The following NIPAL3 variants were observed in gnomAD, a reference collection of about 807,000 sequenced individuals.
NIPAL3 encodes NIPA like domain containing 3.
Under a neutral mutation model 47.2 loss-of-function variants are expected in NIPAL3, and 41 were observed. The observed-to-expected ratio is 0.87, with a 90% CI of 0.68 to 1.13. The LOEUF is 1.13. NIPAL3 is among the 50% of genes most tolerant of loss of function. NIPAL3 has a pLI of 0.00. For synonymous variants in NIPAL3, 194 were observed against 209.6 expected (o/e 0.93, Z 0.64); for missense variants, 449 against 530.1 (o/e 0.85, Z 1.50).
chr1:24,436,718 C>T (rs1028833737), intron 2 of NIPAL3, among the ~76,000 whole-genome samples: 10 of 151,936 alleles, frequency 6.6e-5, no homozygotes, highest in African/African-American at 1.7e-4. Flanking sequence ...AGACTGGTCT[C>T]GAACTCCTGA....
At chr1:24,467,788 G>A (rs1484559056) in intron 11 of NIPAL3, among the ~76,000 whole-genome samples, 1 of 152,138 alleles carries the variant, frequency 6.6e-6, no homozygotes, top group Non-Finnish European at 1.5e-5. Flanking sequence ...CAGCTACTTG[G>A]GTGACTGAGG....
intron 2 of NIPAL3, chr1:24,433,301 T>C (rs370225148): frequency 2.0e-5 from 3 of 152,226 alleles, no homozygotes; most frequent in Non-Finnish European, 4.4e-5. Flanking sequence ...AGGATTACGA[T>C]GTCCTCTTAG....
intron 8 of NIPAL3, among the ~76,000 whole-genome samples, chr1:24,457,349 AG>A (rs1217512923): frequency 6.6e-6 from 1 of 152,194 alleles, no homozygotes; most frequent in Non-Finnish European, 1.5e-5. Flanking sequence ...AGCCCAACAG[AG>A]GGCCTGGGAG....
intron 2 of NIPAL3, among the ~76,000 whole-genome samples, chr1:24,424,637 G>T (rs1644489458): frequency 6.6e-6 from 1 of 152,162 alleles, no homozygotes; most frequent in Admixed American, 6.5e-5. Context: ...AGGCTACAGG[G>T]TAGCTCATGA....
intron 2 of NIPAL3, among the ~76,000 whole-genome samples, chr1:24,434,430 A>G (rs960361561): frequency 5.3e-5 from 8 of 152,168 alleles, no homozygotes; most frequent in Admixed American, 4.6e-4. Flanking sequence ...ACACAGCCCC[A>G]AAATACAGGA....
intron 2 of NIPAL3, among the ~76,000 whole-genome samples, chr1:24,426,155 T>C (rs965460662): frequency 1.3e-5 from 2 of 152,014 alleles, no homozygotes; most frequent in Admixed American, 6.6e-5. Context: ...TTGGGGTGAG[T>C]AGCTTTGCCT....
intron 4 of NIPAL3, among the ~76,000 whole-genome samples, chr1:24,442,908 T>C (rs1645463912): frequency 6.6e-6 from 1 of 152,246 alleles, no homozygotes; most frequent in Non-Finnish European, 1.5e-5. Context: ...GTTTGAGTGC[T>C]GCAGTGAGCT....
intron 2 of NIPAL3, among the ~76,000 whole-genome samples, chr1:24,421,027 G>C (rs1468456393): frequency 6.6e-6 from 1 of 152,070 alleles, no homozygotes; most frequent in Non-Finnish European, 1.5e-5. Context: ...TTTTTTTAAA[G>C]ATCAGAGAGG....
chr1:24,442,916 G>C (rs774436402), intron 4 of NIPAL3, among the ~76,000 whole-genome samples: 5 of 152,228 alleles, frequency 3.3e-5, no homozygotes, highest in African/African-American at 4.8e-5. Context: ...GCTGCAGTGA[G>C]CTTTGATTAC....
At position 24,472,546 on chromosome 1, in the gene NIPAL3, G is replaced by C. The variant is rs994141559; in HGVS notation, c.*3361G>C. ...TGAGCAGCCCAGGTACCTAAAGCAA[G>C]GTCACCAAACTTGGGTTTAAACTTC... On this transcript the variant is annotated 3_prime_UTR_variant, in exon 12 of 12. Transcript: ENST00000374399. 2 of 152,162 alleles carry C rather than the reference G, an allele frequency of 1.3e-5. No individual in the cohort carries two copies. Among genetic ancestry groups the C allele is most frequent in the Non-Finnish European group, 2.9e-5 (2 of 68,052 alleles). The allele number at this position is 152,162 out of a possible 1,614,324, so 9.4% of individuals were successfully genotyped here. A position where few individuals can be genotyped will look rare whatever the true frequency, so the allele number is the denominator to read the frequency against.
intron 5 of NIPAL3, among the ~76,000 whole-genome samples, chr1:24,448,093 C>T (rs762568084): frequency 6.6e-6 from 1 of 152,142 alleles, no homozygotes; most frequent in Admixed American, 6.5e-5. Flanking sequence ...ATTGAACAAC[C>T]GTTTTTTGAG....
At chr1:24,432,888 A>C (rs1403761676) in intron 2 of NIPAL3, among the ~76,000 whole-genome samples, 1 of 152,246 alleles carries the variant, frequency 6.6e-6, no homozygotes, top group Non-Finnish European at 1.5e-5. Context: ...TCTCTCTAGT[A>C]AACCCGATCA....
At chr1:24,423,915 G>A (rs1238422063) in intron 2 of NIPAL3, among the ~76,000 whole-genome samples, 1 of 152,126 alleles carries the variant, frequency 6.6e-6, no homozygotes, top group Non-Finnish European at 1.5e-5. Flanking sequence ...CTCTGGATTG[G>A]TTAGTTAGCA....
At chr1:24,448,042 A>G (rs757146207) in intron 5 of NIPAL3, among the ~76,000 whole-genome samples, 89 of 152,240 alleles carry the variant, frequency 5.8e-4, no homozygotes, top group Non-Finnish European at 9.6e-4. Flanking sequence ...TAACAGACCT[A>G]CTTTATTGAG....
At chr1:24,441,523 G>A (rs1048833533) in intron 3 of NIPAL3, among the ~76,000 whole-genome samples, 3 of 152,114 alleles carry the variant, frequency 2.0e-5, no homozygotes, top group East Asian at 1.9e-4. Flanking sequence ...CTTGAGCCAC[G>A]TATCCACCCC....
At chr1:24,447,572 C>T in intron 5 of NIPAL3, among the ~76,000 whole-genome samples, 1 of 151,998 alleles carries the variant, frequency 6.6e-6, no homozygotes, top group Non-Finnish European at 1.5e-5. Context: ...AAAAGCAGAA[C>T]TTTGCCAAAA....
chr1:24,468,103 T>G (rs1021171841), intron 11 of NIPAL3, among the ~76,000 whole-genome samples: 1 of 151,908 alleles, frequency 6.6e-6, no homozygotes, highest in African/African-American at 2.4e-5. Context: ...CCCAGAAGTT[T>G]GAGACCAGCC....
intron 5 of NIPAL3, among the ~76,000 whole-genome samples, chr1:24,445,881 G>T (rs922885503): frequency 6.6e-6 from 1 of 152,204 alleles, no homozygotes; most frequent in Non-Finnish European, 1.5e-5. Context: ...CTCCACCTAA[G>T]TTGAGAAATG....
Position 24,438,875 on chromosome 1 carries a change from C to T in NIPAL3, c.94-1297C>T, listed in dbSNP as rs558861558. Among the ~76,000 whole-genome samples the T allele has an allele frequency of 9.3e-5, 11 of 118,614 alleles. No individual in the cohort carries two copies. The East Asian group carries it at 4.6e-3, about 50-fold the overall frequency. The allele number at this position is 118,614 out of a possible 152,430, so 77.8% of individuals were successfully genotyped here. On this transcript the variant is annotated intron_variant, in intron 2 of 11. Coordinates refer to ENST00000374399, the MANE Select transcript of NIPAL3 (RefSeq NM_020448.5). ...GGATGGAGGGTGTGTTGGGGACTTG[C>T]TATAGTGTGGTTTAAATGCTAGTAC...
Sources: gnomAD v4.1 joint callset for allele counts (sites outside exome capture counted in the v4.1 genomes callset) on GRCh38, gnomAD v4.1.1 for gene constraint, MANE v1.5 for transcripts, NCBI Gene and HGNC (gene_info 2026-07-23, HGNC 2026-07-21) for gene names.